DNAH14: variants seen among roughly 807,000 people sequenced by gnomAD.
DNAH14 encodes the protein axonemal beta dynein heavy chain 14.
In DNAH14, 478 loss-of-function variants were observed where a neutral mutation model predicts 520.9. The ratio of observed to expected loss-of-function variants is 0.92; its 90% CI spans 0.85 to 0.99. The LOEUF is 0.99. Among genes scored for constraint, DNAH14 ranks in the 50% least tolerant of loss-of-function variants. The pLI, the probability that DNAH14 is intolerant of heterozygous loss-of-function variation, is 0.00. For synonymous variants in DNAH14, 1,581 were observed against 1,757.2 expected (o/e 0.90, Z 2.51); for missense variants, 4,831 against 5,234.5 (o/e 0.92, Z 2.38).
At chr1:225,375,032 T>C (rs1056362694) in intron 78 of DNAH14, 147 bp downstream of exon 78, 2 of 731,972 alleles carry the variant, frequency 2.7e-6, no homozygotes, top group African/African-American at 1.8e-5. Flanking sequence ...AATTTACCCA[T>C]GACTCTATTA....
At chr1:225,104,902 C>A (rs918804777) in intron 23 of DNAH14, among the ~76,000 whole-genome samples, 1 of 152,082 alleles carries the variant, frequency 6.6e-6, no homozygotes, top group African/African-American at 2.4e-5. Flanking sequence ...CTGCTCTGGT[C>A]TTAGTTATTT....
intron 48 of DNAH14, among the ~76,000 whole-genome samples, chr1:225,265,763 T>C (rs2093090540): frequency 6.6e-6 from 1 of 152,074 alleles, no homozygotes; most frequent in African/African-American, 2.4e-5. Flanking sequence ...TGATTTTAAA[T>C]GAAGACACAG....
At chr1:225,212,141 T>G (rs2088539238) in intron 41 of DNAH14, among the ~76,000 whole-genome samples, 3 of 144,566 alleles carry the variant, frequency 2.1e-5, no homozygotes, top group Admixed American at 7.3e-5. Flanking sequence ...CACCTATGAG[T>G]GAGAACATGT....
intron 34 of DNAH14, among the ~76,000 whole-genome samples, chr1:225,159,021 C>T (rs2081294008): frequency 6.6e-6 from 1 of 152,140 alleles, no homozygotes; most frequent in Non-Finnish European, 1.5e-5. Flanking sequence ...TTTACATTAG[C>T]CTAAATTCAT....
At chr1:225,171,741 A>G (rs2082696086) in intron 36 of DNAH14, among the ~76,000 whole-genome samples, 1 of 152,196 alleles carries the variant, frequency 6.6e-6, no homozygotes, top group Admixed American at 6.5e-5. Context: ...ATCAATAGAA[A>G]AAGAGGGAAT....
In DNAH14 at chr1:225,240,576, A is replaced by G; in HGVS notation, c.6519-17A>G. The G allele has an allele frequency of 6.9e-7, 1 of 1,453,182 alleles. No individual in the cohort carries two copies. The highest frequency in any genetic ancestry group is 9.4e-7 in the Non-Finnish European group (1 of 1,059,638). 90.0% of individuals were successfully genotyped at this position (1,453,182 alleles called of 1,614,324 possible). On this transcript the variant is annotated splice_polypyrimidine_tract_variant and intron_variant, in intron 42 of 85. Transcript: ENST00000682510. ...TAAAAATGTTAACCTTCATCCTTCC[A>G]TACCTGTCTACCCCAGGGATGAAAA...
chr1:225,035,701 C>T (rs1242027894), intron 11 of DNAH14, among the ~76,000 whole-genome samples: 1 of 151,802 alleles, frequency 6.6e-6, no homozygotes, highest in Non-Finnish European at 1.5e-5. Flanking sequence ...AGAGAAGATG[C>T]TTGATATTAT....
At chr1:225,193,122 A>G (rs1573885027) in intron 38 of DNAH14, among the ~76,000 whole-genome samples, 1 of 152,312 alleles carries the variant, frequency 6.6e-6, no homozygotes, top group East Asian at 1.9e-4. Flanking sequence ...AAATGATAGA[A>G]TGAAGTTAAA....
In DNAH14 at chr1:225,239,215, G is replaced by A. The variant is rs2091815665; in HGVS notation, c.6519-1378G>A. 3.3e-5 allele frequency among the ~76,000 whole-genome samples: 5 copies of A among 152,154 alleles called. No individual in the cohort carries two copies. In the South Asian group the frequency reaches 1.0e-3, roughly 32 times the overall value. ...TCTCCTGTCTTTCTGAGATTCCTGG[G>A]GCCAGAGTACTTAAAACTCCTAGGT... is the stretch of plus-strand genomic sequence containing the variant. On this transcript the variant is annotated intron_variant, in intron 42 of 85. Transcript: ENST00000682510.
intron 73 of DNAH14, chr1:225,354,213 C>T (rs1332817516): frequency 5.7e-6 from 4 of 701,844 alleles, no homozygotes; most frequent in African/African-American, 5.2e-5. Context: ...ATAAACCATA[C>T]AGGAACAGAC....
At chr1:225,368,976 A>G (rs935254848) in intron 77 of DNAH14, among the ~76,000 whole-genome samples, 1 of 152,212 alleles carries the variant, frequency 6.6e-6, no homozygotes, top group Non-Finnish European at 1.5e-5. Flanking sequence ...TCAAAGCTCA[A>G]TCAAAAGGCA....
At chr1:225,030,970 T>C (rs1047418183) in intron 11 of DNAH14, among the ~76,000 whole-genome samples, 10 of 152,004 alleles carry the variant, frequency 6.6e-5, no homozygotes, top group Non-Finnish European at 1.2e-4. Context: ...CTGGGGAGAA[T>C]TGACATCTTA....
rs186459424 is a variant in DNAH14, at chr1:225,192,927, A to T, written c.5886+16A>T. 1 of 1,519,640 alleles carries T rather than the reference A, an allele frequency of 6.6e-7. No individual in the cohort carries two copies. The highest frequency in any genetic ancestry group is 1.4e-5 in the African/African-American group (1 of 72,230). The allele number at this position is 1,519,640 out of a possible 1,614,324, so 94.1% of individuals were successfully genotyped here. A position where few individuals can be genotyped will look rare whatever the true frequency, so the allele number is the denominator to read the frequency against. The stretch of plus-strand genomic sequence containing the variant: ...TTTATCCAATGTAAGTTTAGTATTG[A>T]ATGAATGTTTTTATTTAACTAATGT... On this transcript the variant is annotated intron_variant, in intron 38 of 85. Transcript: ENST00000682510.
rs138142426 is a variant in DNAH14, at chr1:225,259,386, A to G, written c.7157+133A>G. ...AGAATCATTCAAAAGAGGAGATAAG[A>G]AGAAAATCCTTTTTTTCCTGATTTC... On this transcript the variant is annotated intron_variant, in intron 46 of 85. Transcript: ENST00000682510. 1.3e-5 allele frequency: 8 copies of G among 632,828 alleles called. No individual in the cohort carries two copies. In the African/African-American group the frequency reaches 1.3e-4, roughly 11 times the overall value. 39.2% of individuals were successfully genotyped at this position (632,828 alleles called of 1,614,324 possible). A position where few individuals can be genotyped will look rare whatever the true frequency, so the allele number is the denominator to read the frequency against.
intron 10 of DNAH14, 30 bp from the exon 11 acceptor site, chr1:225,023,585 C>G: frequency 6.8e-7 from 1 of 1,467,986 alleles, no homozygotes; most frequent in Middle Eastern, 1.8e-4. Context: ...AAAATCAATA[C>G]TTGTTTCTCA....
intron 27 of DNAH14, among the ~76,000 whole-genome samples, chr1:225,130,496 A>G (rs1472772453): frequency 6.6e-6 from 1 of 152,132 alleles, no homozygotes; most frequent in Non-Finnish European, 1.5e-5. Context: ...GGCATAAAAA[A>G]TGATGAGTTC....
At chr1:224,950,653 G>C (rs1163752431) in intron 1 of DNAH14, among the ~76,000 whole-genome samples, 2 of 152,116 alleles carry the variant, frequency 1.3e-5, no homozygotes, top group African/African-American at 2.4e-5. Context: ...GCTGAGGTTG[G>C]GGTTAGCATA....
intron 23 of DNAH14, among the ~76,000 whole-genome samples, chr1:225,116,659 A>AAAGTGATG (rs1268655726): frequency 6.6e-6 from 1 of 152,178 alleles, no homozygotes; most frequent in East Asian, 1.9e-4. Context: ...ATGAGTAGGA[A>AAAGTGATG]AAGTGATGAG....
chr1:225,153,673 C>T (rs182261026), intron 33 of DNAH14, 77 bp from the exon 34 acceptor site: 15 of 1,025,116 alleles, frequency 1.5e-5, no homozygotes, highest in Non-Finnish European at 1.9e-5. Context: ...CTGTAATTTA[C>T]CTATATACTG....
Sources: allele counts gnomAD v4.1 joint callset (sites outside exome capture counted in the v4.1 genomes callset), GRCh38; gene constraint gnomAD v4.1.1; transcripts MANE v1.5; gene names NCBI Gene and HGNC (gene_info 2026-07-23, HGNC 2026-07-21).